MAP4K4: variants seen among roughly 807,000 people sequenced by gnomAD.
MAP4K4 encodes the protein HPK/GCK-like kinase HGK.
In MAP4K4, 38 loss-of-function variants were observed where a neutral mutation model predicts 189.6. The observed-to-expected ratio is 0.20, with a 90% CI of 0.15 to 0.26. The LOEUF (loss-of-function observed/expected upper bound fraction) is 0.26. Among genes scored for constraint, MAP4K4 ranks in the 10% least tolerant of loss-of-function variants. The pLI is 1.00. For missense variants in MAP4K4, 1,054 were observed against 1,726.9 expected, an observed-to-expected ratio of 0.61 and a Z score of 6.91; for synonymous variants, 610 against 624.3, an observed-to-expected ratio of 0.98 and a Z score of 0.34.
intron 3 of MAP4K4, among the ~76,000 whole-genome samples, chr2:101,823,626 G>A (rs1009900790): frequency 6.6e-6 from 1 of 152,246 alleles, no homozygotes; most frequent in African/African-American, 2.4e-5. Flanking sequence ...GCTCAGAGAA[G>A]TGGAGTGCAT....
intron 23 of MAP4K4, among the ~76,000 whole-genome samples, chr2:101,871,031 C>T (rs1038506233): frequency 3.9e-5 from 6 of 152,226 alleles, no homozygotes; most frequent in Non-Finnish European, 8.8e-5. Flanking sequence ...TAAAGTGATA[C>T]GCTTCTCATT....
chr2:101,741,669 A>G (rs1023007366), intron 2 of MAP4K4, among the ~76,000 whole-genome samples: 2 of 152,028 alleles, frequency 1.3e-5, no homozygotes, highest in African/African-American at 4.8e-5. Flanking sequence ...GAAGTTTTCA[A>G]TTTTCATGAG....
intron 9 of MAP4K4, among the ~76,000 whole-genome samples, chr2:101,838,810 T>G (rs1251972372): frequency 1.3e-5 from 2 of 152,224 alleles, no homozygotes; most frequent in Non-Finnish European, 2.9e-5. Context: ...AGCAGTGAAG[T>G]GGAAAGAGTG....
intron 27 of MAP4K4, 59 bp from the exon 28 acceptor site, chr2:101,882,492 A>G (rs2098416165): frequency 2.3e-6 from 3 of 1,325,884 alleles, no homozygotes; most frequent in Admixed American, 5.9e-5. Context: ...TACTATTGTT[A>G]TTAATGATGA....
At position 101,829,754 on chromosome 2, in the gene MAP4K4, C is replaced by T. The variant is rs528669489; in HGVS notation, c.508+160C>T. ...GAACTGAGCATATTACTTAGCTTGGCTCCAGCCTCCCCACTTCCATGTTTG... is the reference window on the plus strand; with the variant it reads ...GAACTGAGCATATTACTTAGCTTGGTTCCAGCCTCCCCACTTCCATGTTTG... On this transcript the variant is annotated intron_variant, in intron 6 of 32. Coordinates refer to ENST00000324219, the Ensembl canonical transcript of MAP4K4. The T allele has an allele frequency of 6.4e-4, 366 of 569,518 alleles. 2 individuals are homozygous for T. The highest frequency in any genetic ancestry group is 6.8e-4 in the Non-Finnish European group (212 of 311,500). 35.3% of individuals were successfully genotyped at this position (569,518 alleles called of 1,614,324 possible).
intron 9 of MAP4K4, among the ~76,000 whole-genome samples, chr2:101,836,336 C>T (rs1245434546): frequency 3.3e-5 from 5 of 152,156 alleles, no homozygotes; most frequent in Non-Finnish European, 7.4e-5. Context: ...GTAATCCCAG[C>T]GTTTTGGGAG....
chr2:101,795,394 C>CT (rs1174950992), intron 3 of MAP4K4, among the ~76,000 whole-genome samples: 1 of 152,202 alleles, frequency 6.6e-6, no homozygotes, highest in Non-Finnish European at 1.5e-5. Context: ...TCCCTTCTCT[C>CT]TTTGTCTGGA....
intron 2 of MAP4K4, among the ~76,000 whole-genome samples, chr2:101,731,130 T>A (rs1480442306): frequency 2.0e-5 from 3 of 151,912 alleles, no homozygotes; most frequent in African/African-American, 7.2e-5. Flanking sequence ...TTATTACTAT[T>A]TTTTGAGACA....
chr2:101,754,654 T>C (rs2071319113), intron 2 of MAP4K4, among the ~76,000 whole-genome samples: 1 of 152,160 alleles, frequency 6.6e-6, no homozygotes, highest in Non-Finnish European at 1.5e-5. Context: ...ACGTCCAGCC[T>C]AGTTGGAAGG....
chr2:101,711,836 T>C (rs557314869), intron 2 of MAP4K4, among the ~76,000 whole-genome samples: 4 of 132,850 alleles, frequency 3.0e-5, no homozygotes, highest in South Asian at 2.3e-4. Context: ...TATATTCTTA[T>C]TGTTATATGA....
At chr2:101,714,190 T>C (rs1294224021) in intron 2 of MAP4K4, among the ~76,000 whole-genome samples, 2 of 152,234 alleles carry the variant, frequency 1.3e-5, no homozygotes, top group Non-Finnish European at 2.9e-5. Context: ...GTTATTCTTA[T>C]ACTTTCAAAA....
intron 2 of MAP4K4, among the ~76,000 whole-genome samples, chr2:101,717,323 A>C (rs2048946640): frequency 6.6e-6 from 1 of 152,198 alleles, no homozygotes; most frequent in South Asian, 2.1e-4. Context: ...CAAATTGTTG[A>C]TAATGAAGGC....
At chr2:101,868,660 G>C (rs950682387) in intron 21 of MAP4K4, among the ~76,000 whole-genome samples, 2 of 152,198 alleles carry the variant, frequency 1.3e-5, no homozygotes, top group Non-Finnish European at 2.9e-5. Flanking sequence ...TGTGGGTAAG[G>C]CTTGAAGGAG....
At chr2:101,883,670 C>T (rs970792038) in intron 28 of MAP4K4, among the ~76,000 whole-genome samples, 2 of 151,974 alleles carry the variant, frequency 1.3e-5, no homozygotes, top group African/African-American at 2.4e-5. Flanking sequence ...ATTAATGTTA[C>T]GGGCCTATTG....
intron 3 of MAP4K4, among the ~76,000 whole-genome samples, chr2:101,793,783 T>C (rs532683207): frequency 9.5e-4 from 145 of 152,194 alleles, no homozygotes; most frequent in African/African-American, 3.4e-3. Flanking sequence ...TCCCGAGCTG[T>C]CAGCTGTTGG....
At chr2:101,811,370 C>CAAAAAAAAAAAAAAAA (rs71378177) in intron 3 of MAP4K4, among the ~76,000 whole-genome samples, 7 of 68,902 alleles carry the variant, frequency 1.0e-4, no homozygotes, top group African/African-American at 4.0e-4. Flanking sequence ...GACTGCGTCT[C>CAAAAAAAAAAAAAAAA]AAAAAAAAAA....
intron 2 of MAP4K4, among the ~76,000 whole-genome samples, chr2:101,759,142 GA>G (rs11424551): frequency 7.8e-4 from 112 of 142,920 alleles, no homozygotes; most frequent in South Asian, 2.2e-4. Context: ...CAAAAAAAAA[GA>G]AAAAAAAAAA....
chr2:101,866,359 C>T, intron 18 of MAP4K4, 69 bp from the exon 19 acceptor site: 1 of 1,488,380 alleles, frequency 6.7e-7, no homozygotes. Context: ...ACACCATGCA[C>T]ATGTTGGTAA....
chr2:101,865,854 G>A (rs926976509), intron 18 of MAP4K4, among the ~76,000 whole-genome samples: 2 of 152,194 alleles, frequency 1.3e-5, no homozygotes, highest in African/African-American at 4.8e-5. Flanking sequence ...CACTGCTAAT[G>A]GCAGGGGGAC....
Sources: allele counts gnomAD v4.1 joint callset (sites outside exome capture counted in the v4.1 genomes callset), GRCh38; gene constraint gnomAD v4.1.1; transcripts MANE v1.5; gene names NCBI Gene and HGNC (gene_info 2026-07-23, HGNC 2026-07-21).